MAST4: variants seen among roughly 807,000 people sequenced by gnomAD.
The protein encoded by MAST4 is microtubule-associated serine/threonine-protein kinase 4.
Under a neutral mutation model 162.7 loss-of-function variants are expected in MAST4, and 89 were observed. The observed-to-expected ratio is 0.55, with a 90% CI of 0.46 to 0.65. The LOEUF is 0.65. Among genes scored for constraint, MAST4 ranks in the 30% least tolerant of loss-of-function variants. The probability of loss-of-function intolerance (pLI) is 0.00; values close to 1 mark genes in which losing one functional copy is unlikely to be tolerated. For synonymous variants in MAST4, 1,479 were observed against 1,361.1 expected, an observed-to-expected ratio of 1.09 and a Z score of -1.91; for missense variants, 3,153 against 3,374.0, an observed-to-expected ratio of 0.93 and a Z score of 1.62.
chr5:66,764,825 A>T (rs1382107853), intron 2 of MAST4, among the ~76,000 whole-genome samples: 1 of 152,176 alleles, frequency 6.6e-6, no homozygotes, highest in Non-Finnish European at 1.5e-5. Context: ...AAGAAAGAAA[A>T]ATATCTTTTA....
At chr5:67,050,156 G>A (rs972497555) in intron 4 of MAST4, among the ~76,000 whole-genome samples, 3 of 152,182 alleles carry the variant, frequency 2.0e-5, no homozygotes, top group Admixed American at 2.0e-4. Flanking sequence ...GAAATGCATG[G>A]CCTGTCTCTT....
chr5:66,863,565 C>T (rs1378081184), intron 3 of MAST4, among the ~76,000 whole-genome samples: 4 of 152,132 alleles, frequency 2.6e-5, no homozygotes, highest in Non-Finnish European at 4.4e-5. Context: ...TTCCTCTCCC[C>T]ATTTCTCATG....
chr5:67,078,698 TTA>T lies in MAST4; in HGVS notation c.764-11457_764-11456del, dbSNP rs1180868070. Among the ~76,000 whole-genome samples the T allele has an allele frequency of 6.9e-5, 9 of 129,568 alleles. No homozygotes were observed. The East Asian group carries it at 1.8e-3, about 26-fold the overall frequency. The allele number at this position is 129,568 out of a possible 152,430, so 85.0% of individuals were successfully genotyped here. On this transcript the variant is annotated intron_variant, in intron 5 of 28. Coordinates refer to ENST00000403625, the MANE Select transcript of MAST4 (RefSeq NM_001164664.2). ...ATTATATTTATTTATATTTATATAT[TTA>T]TATATAATATTTATTTATATTATAT...
chr5:66,992,135 A>T (rs750144168), intron 4 of MAST4, among the ~76,000 whole-genome samples: 1 of 152,318 alleles, frequency 6.6e-6, no homozygotes, highest in South Asian at 2.1e-4. Context: ...TTCTGTATGC[A>T]TGCGTGATTT....
At position 66,742,643 on chromosome 5, in the gene MAST4, T is replaced by C. The variant is rs548212381; in HGVS notation, c.364-17066T>C. Among the ~76,000 whole-genome samples, 189 of 152,234 alleles carry C rather than the reference T, an allele frequency of 1.2e-3. 6 individuals carry two copies. In the South Asian group the frequency reaches 0.037, roughly 30 times the overall value. ...ACTGTGGCTTCTGGTGAATACTTCT[T>C]TTAGTGGAGTTGCGAACCTGTACCC... On this transcript the variant is annotated intron_variant, in intron 1 of 28. Coordinates refer to ENST00000403625, the MANE Select transcript of MAST4 (RefSeq NM_001164664.2).
intron 3 of MAST4, among the ~76,000 whole-genome samples, chr5:66,816,664 A>G (rs1756742464): frequency 6.6e-6 from 1 of 152,146 alleles, no homozygotes; most frequent in African/African-American, 2.4e-5. Flanking sequence ...CCCGGCTGCC[A>G]TCACACTGCA....
At position 67,048,057 on chromosome 5, in the gene MAST4, G is replaced by A. The variant is rs1040804205; in HGVS notation, c.675-6347G>A. On this transcript the variant is annotated intron_variant, in intron 4 of 28. Coordinates refer to ENST00000403625, the MANE Select transcript of MAST4 (RefSeq NM_001164664.2). ...GGTGAAGCAGCAATAAGCAGGATTTGGGCAAGAGGTGTCCAAAGATTTTAA... is the reference window on the plus strand; with the variant it reads ...GGTGAAGCAGCAATAAGCAGGATTTAGGCAAGAGGTGTCCAAAGATTTTAA... Among the ~76,000 whole-genome samples, 3 of 152,124 alleles carry A rather than the reference G, an allele frequency of 2.0e-5. No homozygotes were observed. In the East Asian group the frequency reaches 5.8e-4, roughly 29 times the overall value.
chr5:67,165,948 C>T lies in MAST4; in HGVS notation c.6769C>T (p.Gln2257Ter), dbSNP rs201422575. 2 of 1,613,430 alleles carry T rather than the reference C, an allele frequency of 1.2e-6. No individual in the cohort carries two copies. Among genetic ancestry groups the T allele is most frequent in the African/African-American group, 1.3e-5 (1 of 75,056 alleles). Residue 2257 changes from glutamine to a stop codon, truncating the protein, a stop_gained, in exon 29 of 29, where the codon CAG becomes TAG. Transcript: ENST00000403625. LOFTEE classifies it low-confidence loss of function (END_TRUNC). ...TGTGTTTCCTGCTACCCCAGGCTCCCAGAACAAAGCCAGCGATGGGATTGG... is the reference window on the plus strand; with the variant it reads ...TGTGTTTCCTGCTACCCCAGGCTCCTAGAACAAAGCCAGCGATGGGATTGG... The part of the protein sequence containing the change: ...PDVFPATPGS[Q>*]NKASDGIGQG...
At chr5:67,078,646 CTTTA>C (rs1561620039) in intron 5 of MAST4, among the ~76,000 whole-genome samples, 2 of 125,736 alleles carry the variant, frequency 1.6e-5, no homozygotes, top group African/African-American at 6.5e-5. Flanking sequence ...ATATTTATAT[CTTTA>C]TATATATTTA....
chr5:66,694,804 C>T lies in MAST4; in HGVS notation c.364-64905C>T, dbSNP rs12655383. ...GCCCAGCCAATCTTGAGCTTTTTCT[C>T]ACATGTTTTTGGCTGCATAAATGTC... is the stretch of plus-strand genomic sequence containing the variant. On this transcript the variant is annotated intron_variant, in intron 1 of 28. Coordinates refer to ENST00000403625, the MANE Select transcript of MAST4 (RefSeq NM_001164664.2). 1.4e-3 allele frequency among the ~76,000 whole-genome samples: 213 copies of T among 152,250 alleles called. 4 individuals are homozygous for T. In the East Asian group the frequency reaches 0.035, roughly 25 times the overall value.
At chr5:66,879,954 G>C (rs1026223693) in intron 3 of MAST4, among the ~76,000 whole-genome samples, 6 of 152,254 alleles carry the variant, frequency 3.9e-5, no homozygotes, top group Non-Finnish European at 7.3e-5. Flanking sequence ...AGATAGACCA[G>C]TGTACATGCT....
intron 4 of MAST4, among the ~76,000 whole-genome samples, chr5:66,935,606 A>G (rs955077247): frequency 2.0e-5 from 3 of 151,500 alleles, no homozygotes; most frequent in South Asian, 2.1e-4. Context: ...ATTTGCCACC[A>G]TTGTTCTAAC....
In MAST4 at chr5:66,995,888, T is replaced by TACACACACACACAC. The variant is rs34561453; in HGVS notation, c.675-58504_675-58491dup. ...GATGCTCTCTCAAAACACACTCACATACACACACACACACACACACACACA... is the reference window on the plus strand; with the variant it reads ...GATGCTCTCTCAAAACACACTCACATACACACACACACACACACACACACACACACACACACACA... On this transcript the variant is annotated intron_variant, in intron 4 of 28. Coordinates refer to ENST00000403625, the MANE Select transcript of MAST4 (RefSeq NM_001164664.2). 7.0e-3 allele frequency among the ~76,000 whole-genome samples: 1,032 copies of TACACACACACACAC among 147,302 alleles called. 7 individuals carry two copies. The highest frequency in any genetic ancestry group is 0.024 in the African/African-American group (975 of 40,270).
intron 4 of MAST4, among the ~76,000 whole-genome samples, chr5:67,044,535 G>C (rs1174746127): frequency 6.6e-6 from 1 of 151,896 alleles, no homozygotes; most frequent in Non-Finnish European, 1.5e-5. Context: ...TTTTAAATTA[G>C]AGAGGGTCTT....
At chr5:67,135,408 G>A (rs544541313) in intron 18 of MAST4, among the ~76,000 whole-genome samples, 3 of 152,102 alleles carry the variant, frequency 2.0e-5, no homozygotes, top group Non-Finnish European at 4.4e-5. Context: ...CATCAGAAAG[G>A]CCTCTCATCT....
chr5:66,771,606 CCTGCTCATTT>C (rs1266163388), intron 2 of MAST4, among the ~76,000 whole-genome samples: 1 of 152,178 alleles, frequency 6.6e-6, no homozygotes, highest in African/African-American at 2.4e-5. Context: ...CCCCCACTCC[CCTGCTCATTT>C]CTTAGGTTCT....
At chr5:67,140,521 AGGT>A (rs906750538) in intron 19 of MAST4, among the ~76,000 whole-genome samples, 4 of 152,146 alleles carry the variant, frequency 2.6e-5, no homozygotes, top group East Asian at 1.9e-4. Flanking sequence ...GATGCAAGAG[AGGT>A]GGTGGAGTAG....
intron 1 of MAST4, among the ~76,000 whole-genome samples, chr5:66,597,243 T>A (rs942965176): frequency 6.6e-6 from 1 of 152,192 alleles, no homozygotes; most frequent in Non-Finnish European, 1.5e-5. Context: ...GTGTGCTGCC[T>A]GATGGTGTGT....
chr5:66,617,175 G>A (rs1166410857), intron 1 of MAST4, among the ~76,000 whole-genome samples: 1 of 152,148 alleles, frequency 6.6e-6, no homozygotes, highest in Non-Finnish European at 1.5e-5. Context: ...TAAAATGTTT[G>A]GGTTTTCTGA....
Sources: allele counts gnomAD v4.1 joint callset (sites outside exome capture counted in the v4.1 genomes callset), GRCh38; gene constraint gnomAD v4.1.1; transcripts MANE v1.5; gene names NCBI Gene and HGNC (gene_info 2026-07-23, HGNC 2026-07-21).